NEB: variants seen among roughly 807,000 people sequenced by gnomAD.
NEB encodes the protein nemaline myopathy type 2.
NEB carries 512 observed loss-of-function variants against 952.2 expected under a neutral mutation model. That is an observed-to-expected ratio of 0.54 (90% confidence interval 0.50 to 0.58). The LOEUF (loss-of-function observed/expected upper bound fraction) is 0.58, where lower values mean the gene tolerates loss of function less well. Among genes scored for constraint, NEB ranks in the 20% least tolerant of loss-of-function variants. The pLI, the probability that NEB is intolerant of heterozygous loss-of-function variation, is 0.00. For synonymous variants in NEB, 2,900 were observed against 3,149.8 expected (o/e 0.92, Z 2.66); for missense variants, 8,428 against 9,231.1 (o/e 0.91, Z 3.56).
At chr2:151,697,091 C>G (rs2099602156) in intron 16 of NEB, 57 bp downstream of exon 16, 9 of 1,311,116 alleles carry the variant, frequency 6.9e-6, no homozygotes, top group Non-Finnish European at 9.7e-6. Flanking sequence ...TAAACATATC[C>G]TGACCACTAG....
At position 151,506,154 on chromosome 2, in the gene NEB, CTG is replaced by C. The variant is rs772001300; in HGVS notation, c.23649+10_23649+11del. ...GCAGAAAATATTGCAAGTGCATTCA[CTG>C]TGTCTTTACCGAGCTAATGTGGTCC... On this transcript the variant is annotated intron_variant, in intron 164 of 181. Coordinates refer to ENST00000397345, the MANE Select transcript of NEB (RefSeq NM_001164508.2). 142 of 1,594,416 alleles carry C rather than the reference CTG, an allele frequency of 8.9e-5. No individual in the cohort carries two copies. In the Admixed American group the frequency reaches 2.3e-3, roughly 26 times the overall value.
intron 117 of NEB, 92 bp from the exon 118 acceptor site, chr2:151,564,022 A>G (rs1464304386): frequency 4.4e-6 from 4 of 911,246 alleles, no homozygotes; most frequent in East Asian, 2.6e-5. Context: ...TGAAACATGT[A>G]TGTTCAAGGC....
rs958208344 is a variant in NEB at position 151,697,675 on chromosome 2, A to G, written c.1153-27T>C. 5 of 1,484,432 alleles carry G rather than the reference A, an allele frequency of 3.4e-6. No individual in the cohort carries two copies. In the Admixed American group the frequency reaches 5.6e-5, roughly 17 times the overall value. The allele number at this position is 1,484,432 out of a possible 1,614,324, so 92.0% of individuals were successfully genotyped here. On this transcript the variant is annotated intron_variant, in intron 13 of 181. Coordinates refer to ENST00000397345, the MANE Select transcript of NEB (RefSeq NM_001164508.2). The stretch of plus-strand genomic sequence containing the variant: ...TGTCAAAGAAAAAAAATTCAGTTAA[A>G]GTAGATTCCTGTCACTCCCACGCTG...
At chr2:151,652,889 T>C (rs1049680887) in intron 52 of NEB, among the ~76,000 whole-genome samples, 1 of 152,174 alleles carries the variant, frequency 6.6e-6, no homozygotes, top group African/African-American at 2.4e-5. Flanking sequence ...CTTTAGCACA[T>C]AGCACTAAAT....
At chr2:151,497,525 T>TAA (rs1184391814) in intron 171 of NEB, 101 bp downstream of exon 171, 2 of 1,502,270 alleles carry the variant, frequency 1.3e-6, no homozygotes, top group Non-Finnish European at 1.8e-6. Context: ...TCACAAAATT[T>TAA]AAGTTGTCTT....
At position 151,507,786 on chromosome 2, in the gene NEB, A is replaced by G. The variant is rs117652649; in HGVS notation, c.23451+219T>C. The G allele has an allele frequency of 2.8e-3, 1,489 of 522,730 alleles. 20 individuals carry two copies. The East Asian group carries it at 0.03, about 10-fold the overall frequency. The allele number at this position is 522,730 out of a possible 1,614,324, so 32.4% of individuals were successfully genotyped here. A position where few individuals can be genotyped will look rare whatever the true frequency, so the allele number is the denominator to read the frequency against. ...GAAAAGATACTATATTTTCTCCCCA[A>G]TACCACCAACGAAGTAACAGATGAG... On this transcript the variant is annotated intron_variant, in intron 162 of 181. Coordinates refer to ENST00000397345, the MANE Select transcript of NEB (RefSeq NM_001164508.2).
intron 126 of NEB, 79 bp from the exon 127 acceptor site, chr2:151,553,581 T>C (rs2153658400): frequency 9.3e-7 from 1 of 1,073,540 alleles, no homozygotes; most frequent in Admixed American, 2.2e-5. Context: ...AGGTACATTC[T>C]AGACTCAGAA....
At chr2:151,502,988 T>TAGTA (rs1251445507) in intron 166 of NEB, 103 bp from the exon 167 acceptor site, 2 of 673,420 alleles carry the variant, frequency 3.0e-6, no homozygotes, top group Non-Finnish European at 5.1e-6. Context: ...GGCAGTTTTT[T>TAGTA]AGTAAGTAAT....
At chr2:151,725,376 A>C in intron 6 of NEB, 77 bp downstream of exon 6, 1 of 1,162,598 alleles carries the variant, frequency 8.6e-7, no homozygotes, top group East Asian at 2.4e-5. Flanking sequence ...CTCACAGCAC[A>C]TATTTAGAGC....
intron 153 of NEB, among the ~76,000 whole-genome samples, chr2:151,522,885 C>T (rs953377295): frequency 3.9e-5 from 6 of 152,184 alleles, no homozygotes; most frequent in African/African-American, 1.4e-4. Flanking sequence ...AGCCCACACA[C>T]AGCTGAAGCG....
At chr2:151,566,031 G>A (rs561457300) in intron 114 of NEB, among the ~76,000 whole-genome samples, 1 of 152,326 alleles carries the variant, frequency 6.6e-6, no homozygotes, top group South Asian at 2.1e-4. Context: ...TAAGTATAAA[G>A]AAGGAGTCTA....
At chr2:151,700,051 G>T (rs2099634495) in intron 13 of NEB, among the ~76,000 whole-genome samples, 1 of 85,630 alleles carries the variant, frequency 1.2e-5, no homozygotes, top group Non-Finnish European at 2.3e-5. Context: ...TAAGGTGTAA[G>T]GAAGGGATCC....
At chr2:151,708,260 A>C (rs2099725714) in intron 12 of NEB, among the ~76,000 whole-genome samples, 1 of 152,118 alleles carries the variant, frequency 6.6e-6, no homozygotes, top group Non-Finnish European at 1.5e-5. Context: ...CTACTTGCCC[A>C]TTTTCTTCTT....
intron 107 of NEB, among the ~76,000 whole-genome samples, chr2:151,571,673 G>C (rs1309822195): frequency 6.6e-6 from 1 of 152,044 alleles, no homozygotes; most frequent in Non-Finnish European, 1.5e-5. Context: ...CTAAAGTAGT[G>C]ACTGATTTAC....
At chr2:151,619,429 A>G (rs1261146630) in intron 73 of NEB, 22 bp downstream of exon 73, 2 of 1,571,662 alleles carry the variant, frequency 1.3e-6, no homozygotes, top group African/African-American at 2.7e-5. Flanking sequence ...TAACATGCAG[A>G]GCTAACATCA....
chr2:151,528,537 C>T (rs1350865687), intron 146 of NEB, among the ~76,000 whole-genome samples: 1 of 152,184 alleles, frequency 6.6e-6, no homozygotes, highest in African/African-American at 2.4e-5. Flanking sequence ...TCAATCCATC[C>T]TCAGGATACG....
At chr2:151,489,865 A>G in intron 181 of NEB, 106 bp downstream of exon 181, 1 of 747,172 alleles carries the variant, frequency 1.3e-6, no homozygotes, top group Non-Finnish European at 2.2e-6. Flanking sequence ...ATTATATAAA[A>G]TAGAAGGTTT....
chr2:151,491,823 A>G (rs968925669), intron 178 of NEB, 48 bp from the exon 179 acceptor site: 12 of 1,436,812 alleles, frequency 8.4e-6, no homozygotes, highest in Non-Finnish European at 1.1e-5. Context: ...GAGTTTTCCA[A>G]TAACTTGAAA....
Position 151,485,688 on chromosome 2 carries a change from T to G in NEB, c.*72A>C. On this transcript the variant is annotated 3_prime_UTR_variant, in exon 182 of 182. Coordinates refer to ENST00000397345, the MANE Select transcript of NEB (RefSeq NM_001164508.2). ...GGCAGCTTGAGAACTTAGGTAACAG[T>G]GGAGAGTCTAAACCGAAACATTGAC... is the stretch of plus-strand genomic sequence containing the variant. 1 of 1,416,528 alleles carries G rather than the reference T, an allele frequency of 7.1e-7. No homozygotes were observed. The allele number at this position is 1,416,528 out of a possible 1,614,324, so 87.7% of individuals were successfully genotyped here. A position where few individuals can be genotyped will look rare whatever the true frequency, so the allele number is the denominator to read the frequency against.
Sources: gnomAD v4.1 joint callset for allele counts (sites outside exome capture counted in the v4.1 genomes callset) on GRCh38, gnomAD v4.1.1 for gene constraint, MANE v1.5 for transcripts, NCBI Gene and HGNC (gene_info 2026-07-23, HGNC 2026-07-21) for gene names.